KAZN: variants seen among roughly 807,000 people sequenced by gnomAD.
KAZN encodes the protein kazrin.
A neutral mutation model predicts 87.4 loss-of-function variants in KAZN; 40 were observed. The observed-to-expected ratio is 0.46, with a 90% CI of 0.36 to 0.60. KAZN has a LOEUF of 0.60. Ranked by LOEUF, KAZN falls within the 20% of genes least tolerant of loss-of-function variation. KAZN has a pLI of 0.00. For synonymous variants in KAZN, 466 were observed against 458.3 expected, an observed-to-expected ratio of 1.02 and a Z score of -0.22; for missense variants, 898 against 1,073.9, an observed-to-expected ratio of 0.84 and a Z score of 2.29.
intron 1 of KAZN, among the ~76,000 whole-genome samples, chr1:14,906,865 C>T (rs760159080): frequency 1.9e-4 from 28 of 145,950 alleles, no homozygotes; most frequent in African/African-American, 6.1e-4. Flanking sequence ...GGTCCACACC[C>T]GCTCCCCGCC....
At chr1:14,278,382 C>G (rs531776791) in intron 2 of KAZN, among the ~76,000 whole-genome samples, 173 of 151,034 alleles carry the variant, frequency 1.1e-3, no homozygotes, top group African/African-American at 4.0e-3. Flanking sequence ...CCTCTGCCTC[C>G]CGGACTCAAG....
At chr1:14,650,381 C>T (rs553629832) in intron 1 of KAZN, among the ~76,000 whole-genome samples, 11 of 152,136 alleles carry the variant, frequency 7.2e-5, no homozygotes, top group Non-Finnish European at 1.6e-4. Flanking sequence ...ATAGCAAGAC[C>T]TCACCTCTAC....
intron 2 of KAZN, among the ~76,000 whole-genome samples, chr1:14,431,182 G>A (rs758235862): frequency 6.6e-6 from 1 of 152,182 alleles, no homozygotes; most frequent in Admixed American, 6.5e-5. Context: ...TATTATGAGT[G>A]GGGTAAATAG....
chr1:14,826,661 G>C (rs1314035313), intron 1 of KAZN, among the ~76,000 whole-genome samples: 2 of 152,106 alleles, frequency 1.3e-5, no homozygotes, highest in Non-Finnish European at 2.9e-5. Flanking sequence ...AGACTGTTAA[G>C]TTCCTCTCCA....
chr1:14,398,179 T>C (rs1308461450), intron 2 of KAZN, among the ~76,000 whole-genome samples: 1 of 152,240 alleles, frequency 6.6e-6, no homozygotes, highest in Non-Finnish European at 1.5e-5. Flanking sequence ...CTGCTGAGTT[T>C]TGAGTTAGTT....
chr1:14,191,868 G>T (rs999577540), intron 2 of KAZN, among the ~76,000 whole-genome samples: 2 of 152,060 alleles, frequency 1.3e-5, no homozygotes, highest in African/African-American at 2.4e-5. Context: ...AGGACAGAAT[G>T]CTAGGACTCC....
At chr1:14,978,248 G>A (rs115359475) in intron 2 of KAZN, among the ~76,000 whole-genome samples, 13 of 152,304 alleles carry the variant, frequency 8.5e-5, no homozygotes, top group East Asian at 7.7e-4. Context: ...TCAGATGGGT[G>A]AGCAACTTCA....
At chr1:14,750,451 T>G (rs1037176357) in intron 1 of KAZN, among the ~76,000 whole-genome samples, 9 of 152,172 alleles carry the variant, frequency 5.9e-5, no homozygotes, top group Non-Finnish European at 1.3e-4. Context: ...GTACGAACAC[T>G]GAGGCTTCAG....
chr1:14,531,173 A>T (rs1164078491), intron 2 of KAZN, among the ~76,000 whole-genome samples: 1 of 152,204 alleles, frequency 6.6e-6, no homozygotes, highest in African/African-American at 2.4e-5. Flanking sequence ...GAGTGTAAAC[A>T]TCCCATCCAC....
At chr1:15,046,045 C>T (rs184146944) in intron 4 of KAZN, among the ~76,000 whole-genome samples, 100 of 152,256 alleles carry the variant, frequency 6.6e-4, no homozygotes, top group African/African-American at 1.8e-3. Flanking sequence ...TGCCTGTAAT[C>T]GCAGCACTTT....
At chr1:13,989,198 C>T (rs12030309) in intron 1 of KAZN, among the ~76,000 whole-genome samples, 20,907 of 152,022 alleles carry the variant, frequency 0.14, 1,579 homozygotes, top group Middle Eastern at 0.2. Context: ...TCTCATTAGG[C>T]CTCACCTCCC....
intron 2 of KAZN, among the ~76,000 whole-genome samples, chr1:15,026,474 C>T (rs1013991928): frequency 4.6e-5 from 7 of 152,132 alleles, no homozygotes; most frequent in Non-Finnish European, 1.5e-5. Context: ...GACTCCAACA[C>T]CCTCATTATG....
chr1:13,941,214 A>C (rs12134311), intron 1 of KAZN, among the ~76,000 whole-genome samples: 14,763 of 152,166 alleles, frequency 0.097, 791 homozygotes, highest in Middle Eastern at 0.15. Context: ...ACAACAAAAA[A>C]AAAACAATAA....
chr1:14,652,867 G>T (rs1638538966), intron 1 of KAZN, among the ~76,000 whole-genome samples: 1 of 149,652 alleles, frequency 6.7e-6, no homozygotes, highest in South Asian at 2.2e-4. Flanking sequence ...GGCAATTGGG[G>T]ACATTTTTGG....
chr1:14,545,777 A>G (rs1355874286), intron 2 of KAZN, among the ~76,000 whole-genome samples: 3 of 152,252 alleles, frequency 2.0e-5, no homozygotes, highest in Non-Finnish European at 2.9e-5. Flanking sequence ...GCATCCACCT[A>G]TAAGTCAAGT....
intron 1 of KAZN, among the ~76,000 whole-genome samples, chr1:14,652,504 TACC>T (rs1638469037): frequency 3.5e-4 from 1 of 2,872 alleles, no homozygotes; most frequent in African/African-American, 1.4e-3. Flanking sequence ...TCCACCTATC[TACC>T]TATCCACCCA....
chr1:14,948,749 C>T (rs1662125237), intron 1 of KAZN, among the ~76,000 whole-genome samples: 1 of 152,108 alleles, frequency 6.6e-6, no homozygotes, highest in Non-Finnish European at 1.5e-5. Context: ...GATGGCTGTG[C>T]TAGGAGTCTT....
At chr1:13,912,276 T>C (rs1173913541) in intron 1 of KAZN, among the ~76,000 whole-genome samples, 3 of 152,218 alleles carry the variant, frequency 2.0e-5, no homozygotes, top group South Asian at 2.1e-4. Flanking sequence ...CTGTGCCTAA[T>C]GAGTCCGCGG....
chr1:14,648,723 G>T (rs1680994401), intron 1 of KAZN, among the ~76,000 whole-genome samples: 1 of 152,202 alleles, frequency 6.6e-6, no homozygotes, highest in Non-Finnish European at 1.5e-5. Context: ...AATACTTAAA[G>T]GAGTTAGAGA....
Sources: gnomAD v4.1 joint callset for allele counts (sites outside exome capture counted in the v4.1 genomes callset) on GRCh38, gnomAD v4.1.1 for gene constraint, MANE v1.5 for transcripts, NCBI Gene and HGNC (gene_info 2026-07-23, HGNC 2026-07-21) for gene names.